MAML3: variants seen among roughly 807,000 people sequenced by gnomAD.
MAML3 encodes the protein mastermind like transcriptional coactivator 3.
In MAML3, 27 loss-of-function variants were observed where a neutral mutation model predicts 101.9. The observed-to-expected ratio is 0.27, with a 90% confidence interval of 0.20 to 0.37. The LOEUF is 0.37. Ranked by LOEUF, MAML3 falls within the 10% of genes least tolerant of loss-of-function variation. MAML3 has a pLI of 1.00. For missense variants in MAML3, 1,316 were observed against 1,444.9 expected (o/e 0.91, Z 1.45); for synonymous variants, 501 against 555.9 (o/e 0.90, Z 1.39).
At chr4:139,855,053 G>T (rs751747459) in intron 2 of MAML3, among the ~76,000 whole-genome samples, 4 of 152,112 alleles carry the variant, frequency 2.6e-5, no homozygotes, top group Non-Finnish European at 5.9e-5. Context: ...TAAATCAATG[G>T]ATTTGAGCCT....
intron 2 of MAML3, among the ~76,000 whole-genome samples, chr4:139,798,036 G>A (rs1295486719): frequency 2.6e-4 from 2 of 7,830 alleles, no homozygotes; most frequent in Middle Eastern, 0.12. Flanking sequence ...GAGAGAGAGA[G>A]AAAGAAAGAA....
chr4:139,940,638 G>A (rs544165926), intron 1 of MAML3, among the ~76,000 whole-genome samples: 1 of 152,184 alleles, frequency 6.6e-6, no homozygotes, highest in Non-Finnish European at 1.5e-5. Flanking sequence ...GCTGCTTCAC[G>A]AATGAGCCCC....
intron 2 of MAML3, among the ~76,000 whole-genome samples, chr4:139,836,844 C>T (rs1203129257): frequency 1.2e-4 from 19 of 152,272 alleles, no homozygotes; most frequent in Admixed American, 3.3e-4. Flanking sequence ...TACCTCTGGT[C>T]GGGTGCAGTG....
chr4:140,058,067 T>A (rs77670918), intron 1 of MAML3, among the ~76,000 whole-genome samples: 33 of 125,542 alleles, frequency 2.6e-4, no homozygotes, highest in African/African-American at 4.9e-4. Context: ...AATGCTTTTT[T>A]AAAAAAAATG....
intron 2 of MAML3, among the ~76,000 whole-genome samples, chr4:139,747,634 C>G (rs1399962523): frequency 6.6e-6 from 1 of 151,072 alleles, no homozygotes; most frequent in African/African-American, 2.4e-5. Flanking sequence ...GTGGAGGTTA[C>G]AGTGAGCCGA....
chr4:139,994,525 T>TGGTG (rs1734765396), intron 1 of MAML3, among the ~76,000 whole-genome samples: 1 of 152,030 alleles, frequency 6.6e-6, no homozygotes, highest in Non-Finnish European at 1.5e-5. Flanking sequence ...TGGAGTAAGG[T>TGGTG]GGTGCATGCC....
At chr4:139,875,992 TG>T (rs1198790633) in intron 2 of MAML3, among the ~76,000 whole-genome samples, 2 of 151,842 alleles carry the variant, frequency 1.3e-5, no homozygotes, top group Non-Finnish European at 2.9e-5. Flanking sequence ...AACTGATTTT[TG>T]GTGTTTTTCT....
chr4:140,134,510 A>G (rs1389743286), intron 1 of MAML3: 3 of 374,746 alleles, frequency 8.0e-6, no homozygotes, highest in South Asian at 4.0e-5. Context: ...AAGACCAGTG[A>G]TTAAAAATGT....
chr4:139,866,559 G>A (rs1327066311), intron 2 of MAML3, among the ~76,000 whole-genome samples: 1 of 152,168 alleles, frequency 6.6e-6, no homozygotes, highest in East Asian at 1.9e-4. Context: ...GGGGGCTCCT[G>A]GGTCAGACCC....
At chr4:139,982,863 TATATC>T (rs1293448083) in intron 1 of MAML3, among the ~76,000 whole-genome samples, 1 of 152,162 alleles carries the variant, frequency 6.6e-6, no homozygotes, top group Non-Finnish European at 1.5e-5. Flanking sequence ...TCAGTTCCAA[TATATC>T]ATATGTTGTT....
intron 1 of MAML3, among the ~76,000 whole-genome samples, chr4:139,981,413 C>T (rs1734440639): frequency 6.6e-6 from 1 of 152,144 alleles, no homozygotes; most frequent in Non-Finnish European, 1.5e-5. Context: ...GGGTTGGGAA[C>T]AGTTCAGCCC....
intron 2 of MAML3, among the ~76,000 whole-genome samples, chr4:139,765,798 C>T (rs1041586642): frequency 1.3e-5 from 2 of 151,988 alleles, no homozygotes; most frequent in African/African-American, 4.8e-5. Flanking sequence ...TCCTGGGCAA[C>T]ATAGCAAGAT....
At chr4:139,996,686 C>CATGTGTGTGTGT (rs59834103) in intron 1 of MAML3, among the ~76,000 whole-genome samples, 9 of 150,906 alleles carry the variant, frequency 6.0e-5, no homozygotes, top group Non-Finnish European at 1.3e-4. Flanking sequence ...ATAGTTGTAT[C>CATGTGTGTGTGT]GTGTGTGTGT....
chr4:140,043,889 C>A (rs531820796), intron 1 of MAML3, among the ~76,000 whole-genome samples: 91 of 152,256 alleles, frequency 6.0e-4, no homozygotes, highest in Non-Finnish European at 1.1e-3. Flanking sequence ...ATGTAAATAG[C>A]AACTGACATC....
intron 2 of MAML3, among the ~76,000 whole-genome samples, chr4:139,761,716 A>C (rs1729764124): frequency 6.6e-6 from 1 of 152,014 alleles, no homozygotes; most frequent in Non-Finnish European, 1.5e-5. Context: ...CAGGCCCCTC[A>C]ACAGATGCCT....
chr4:139,940,970 A>C (rs1733586389), intron 1 of MAML3, among the ~76,000 whole-genome samples: 1 of 152,224 alleles, frequency 6.6e-6, no homozygotes, highest in Non-Finnish European at 1.5e-5. Context: ...TTAAATATAG[A>C]TCACAAGTGA....
intron 2 of MAML3, among the ~76,000 whole-genome samples, chr4:139,807,476 C>CT (rs1730721892): frequency 6.6e-6 from 1 of 152,200 alleles, no homozygotes; most frequent in Admixed American, 6.5e-5. Context: ...CTGTTAACAA[C>CT]TGGCTTGGTA....
intron 1 of MAML3, among the ~76,000 whole-genome samples, chr4:140,093,594 T>C (rs1474970384): frequency 3.4e-5 from 5 of 146,260 alleles, no homozygotes; most frequent in Admixed American, 3.4e-4. Flanking sequence ...TTTTTTTTAA[T>C]TTTTTTTTTA....
intron 1 of MAML3, among the ~76,000 whole-genome samples, chr4:140,147,137 A>C (rs1729078965): frequency 8.8e-6 from 1 of 113,606 alleles, no homozygotes; most frequent in South Asian, 3.3e-4. Flanking sequence ...ATCTCAAAAA[A>C]AAAAAAAAAA....
Sources: gnomAD v4.1 joint callset for allele counts (sites outside exome capture counted in the v4.1 genomes callset) on GRCh38, gnomAD v4.1.1 for gene constraint, MANE v1.5 for transcripts, NCBI Gene and HGNC (gene_info 2026-07-23, HGNC 2026-07-21) for gene names.